Variants in CNTNAP2 observed in about 807,000 individuals in gnomAD.
CNTNAP2 encodes the protein contactin associated protein 2.
Under a neutral mutation model 155.2 loss-of-function variants are expected in CNTNAP2, and 98 were observed. That is an observed-to-expected ratio of 0.63 (90% CI 0.54 to 0.75). The LOEUF is 0.75. CNTNAP2 is among the 30% of genes least tolerant of loss of function. The pLI is 0.00. For synonymous variants in CNTNAP2, 651 were observed against 631.2 expected (o/e 1.03, Z -0.47); for missense variants, 1,727 against 1,688.1 (o/e 1.02, Z -0.40).
chr7:147,596,911 C>A (rs976503644), intron 12 of CNTNAP2, among the ~76,000 whole-genome samples: 2 of 152,174 alleles, frequency 1.3e-5, no homozygotes, highest in Admixed American at 1.3e-4. Flanking sequence ...TTGCTACGCT[C>A]CCTCCAGAGT....
chr7:148,245,935 C>G (rs1016763072), intron 20 of CNTNAP2, among the ~76,000 whole-genome samples: 1 of 152,202 alleles, frequency 6.6e-6, no homozygotes, highest in Non-Finnish European at 1.5e-5. Flanking sequence ...CCATCCCTCT[C>G]CACCTTCTAC....
intron 15 of CNTNAP2, among the ~76,000 whole-genome samples, chr7:148,037,788 A>C (rs1563176444): frequency 6.6e-6 from 1 of 152,260 alleles, no homozygotes; most frequent in Admixed American, 6.5e-5. Flanking sequence ...ATGTATGAAT[A>C]GGAAAAAAAC....
rs547566452 is a variant in CNTNAP2 at position 146,313,244 on chromosome 7, G to A, written c.97+196271G>A. Among the ~76,000 whole-genome samples, 3 of 152,206 alleles carry A rather than the reference G, an allele frequency of 2.0e-5. No individual in the cohort carries two copies. In the East Asian group the frequency reaches 5.8e-4, roughly 29 times the overall value. On this transcript the variant is annotated intron_variant, in intron 1 of 23. Coordinates refer to ENST00000361727, the MANE Select transcript of CNTNAP2 (RefSeq NM_014141.6). ...GTTGGCATCAGTCGTTTTGATAATAGCCATTCTAATGGGCATGTGGTGATA... is the reference window on the plus strand; with the variant it reads ...GTTGGCATCAGTCGTTTTGATAATAACCATTCTAATGGGCATGTGGTGATA...
chr7:146,352,866 T>G (rs1409349540), intron 1 of CNTNAP2, among the ~76,000 whole-genome samples: 4 of 146,704 alleles, frequency 2.7e-5, no homozygotes, highest in Non-Finnish European at 6.0e-5. Context: ...GCCATTCTCC[T>G]GCCTCAGCCT....
intron 1 of CNTNAP2, among the ~76,000 whole-genome samples, chr7:146,592,402 C>A (rs1369343249): frequency 6.6e-6 from 1 of 152,200 alleles, no homozygotes; most frequent in Non-Finnish European, 1.5e-5. Flanking sequence ...CCCAAAGTTA[C>A]TACACACTGC....
chr7:147,470,544 G>A (rs1459478656), intron 10 of CNTNAP2, among the ~76,000 whole-genome samples: 1 of 151,694 alleles, frequency 6.6e-6, no homozygotes, highest in African/African-American at 2.4e-5. Context: ...TTGGATTAGG[G>A]TAACAGCAGT....
rs1563169286 is a variant in CNTNAP2, at chr7:147,347,440, GCATATATATATATATGCATATATATA to G, written c.1498+47151_1498+47176del. ...AAAGATTATATATATATATATATAT[GCATATATATATATATGCATATATATA>G]TATATATATGCATATATATATATAT... is the stretch of plus-strand genomic sequence containing the variant. On this transcript the variant is annotated intron_variant, in intron 9 of 23. Transcript: ENST00000361727. 8.4e-4 allele frequency among the ~76,000 whole-genome samples: 18 copies of G among 21,526 alleles called. 1 individual carries two copies. Among genetic ancestry groups the G allele is most frequent in the African/African-American group, 3.3e-3 (18 of 5,470 alleles). The allele number at this position is 21,526 out of a possible 152,430, so 14.1% of individuals were successfully genotyped here.
chr7:147,553,854 C>G (rs558578309), intron 11 of CNTNAP2, among the ~76,000 whole-genome samples: 1 of 152,108 alleles, frequency 6.6e-6, no homozygotes, highest in Non-Finnish European at 1.5e-5. Flanking sequence ...GCCTGTAATC[C>G]CAGCTACCAA....
chr7:147,055,383 C>T (rs73467053), intron 4 of CNTNAP2, among the ~76,000 whole-genome samples: 8,511 of 152,204 alleles, frequency 0.056, 607 homozygotes, highest in African/African-American at 0.17. Flanking sequence ...GGCCAGAGAG[C>T]ACATGTCTGA....
chr7:146,277,932 G>T, intron 1 of CNTNAP2, among the ~76,000 whole-genome samples: 1 of 152,098 alleles, frequency 6.6e-6, no homozygotes, highest in South Asian at 2.1e-4. Flanking sequence ...TTTCAAAAAA[G>T]AAAATAAAAA....
chr7:147,152,486 G>C (rs955202544), intron 8 of CNTNAP2, among the ~76,000 whole-genome samples: 2 of 152,072 alleles, frequency 1.3e-5, no homozygotes, highest in African/African-American at 4.8e-5. Context: ...TAAGAATTAA[G>C]TGTGAAATGA....
intron 1 of CNTNAP2, among the ~76,000 whole-genome samples, chr7:146,119,762 C>G (rs959027840): frequency 2.6e-5 from 4 of 152,054 alleles, no homozygotes; most frequent in Admixed American, 6.5e-5. Context: ...TTTAGTAGAA[C>G]TATTAACCTA....
intron 1 of CNTNAP2, among the ~76,000 whole-genome samples, chr7:146,156,612 A>AT (rs141066684): frequency 0.17 from 25,724 of 151,564 alleles, 2,707 homozygotes; most frequent in East Asian, 0.28. Flanking sequence ...GCTTTACAGC[A>AT]TTTTTTTTTA....
At chr7:148,361,640 A>G (rs1798622344) in intron 21 of CNTNAP2, among the ~76,000 whole-genome samples, 1 of 152,166 alleles carries the variant, frequency 6.6e-6, no homozygotes, top group Non-Finnish European at 1.5e-5. Context: ...TTATAAGGAC[A>G]ACAGTCACTG....
At chr7:146,950,970 T>C (rs1465230944) in intron 3 of CNTNAP2, among the ~76,000 whole-genome samples, 2 of 152,204 alleles carry the variant, frequency 1.3e-5, no homozygotes, top group Non-Finnish European at 2.9e-5. Flanking sequence ...TTCCTGACTT[T>C]TTAATAATCA....
chr7:147,962,728 C>G (rs1585050700), intron 14 of CNTNAP2, among the ~76,000 whole-genome samples: 1 of 152,182 alleles, frequency 6.6e-6, no homozygotes, highest in South Asian at 2.1e-4. Context: ...GTGGTAGGCA[C>G]TGTGCTAAGT....
At chr7:146,520,169 CCTAA>C (rs1563117344) in intron 1 of CNTNAP2, among the ~76,000 whole-genome samples, 1 of 150,764 alleles carries the variant, frequency 6.6e-6, no homozygotes, top group Non-Finnish European at 1.5e-5. Flanking sequence ...AAAGATATAT[CCTAA>C]CTAATTAAAT....
At chr7:146,252,400 C>G (rs1799768967) in intron 1 of CNTNAP2, among the ~76,000 whole-genome samples, 1 of 152,176 alleles carries the variant, frequency 6.6e-6, no homozygotes, top group Non-Finnish European at 1.5e-5. Flanking sequence ...AGAGAGAGGC[C>G]TGTCTCTCTG....
chr7:147,334,047 C>T (rs1006496557), intron 9 of CNTNAP2, among the ~76,000 whole-genome samples: 3 of 152,164 alleles, frequency 2.0e-5, no homozygotes, highest in Admixed American at 6.5e-5. Flanking sequence ...ATTCCTTGAA[C>T]TCAGTTTCCT....
Sources: gnomAD v4.1 joint callset for allele counts (sites outside exome capture counted in the v4.1 genomes callset) on GRCh38, gnomAD v4.1.1 for gene constraint, MANE v1.5 for transcripts, NCBI Gene and HGNC (gene_info 2026-07-23, HGNC 2026-07-21) for gene names.